The following RAP1GAP2 variants were observed in gnomAD, a reference collection of about 807,000 sequenced individuals.
RAP1GAP2 encodes the protein RAP1 GTPase activating protein 2.
A neutral mutation model predicts 95.0 loss-of-function variants in RAP1GAP2; 27 were observed. That is an observed-to-expected ratio of 0.28 (90% CI 0.21 to 0.39). RAP1GAP2 has a LOEUF of 0.39. Among genes scored for constraint, RAP1GAP2 ranks in the 10% least tolerant of loss-of-function variants. The pLI is 1.00. For missense variants in RAP1GAP2, 771 were observed against 970.0 expected, an observed-to-expected ratio of 0.79 and a Z score of 2.72; for synonymous variants, 373 against 380.9, an observed-to-expected ratio of 0.98 and a Z score of 0.24.
chr17:2,782,430 C>T (rs1057045795), intron 1 of RAP1GAP2, among the ~76,000 whole-genome samples: 2 of 152,144 alleles, frequency 1.3e-5, no homozygotes, highest in African/African-American at 2.4e-5. Context: ...CCACCTGACC[C>T]GCCCTCAGTG....
At chr17:2,911,576 A>G (rs1350366420) in intron 3 of RAP1GAP2, among the ~76,000 whole-genome samples, 1 of 151,842 alleles carries the variant, frequency 6.6e-6, no homozygotes, top group Admixed American at 6.6e-5. Flanking sequence ...CCTGCCGTCT[A>G]CAGGGGCCCT....
intron 2 of RAP1GAP2, among the ~76,000 whole-genome samples, chr17:2,879,848 T>C (rs940332782): frequency 6.6e-6 from 1 of 152,130 alleles, no homozygotes; most frequent in Non-Finnish European, 1.5e-5. Flanking sequence ...ATTACTTTTT[T>C]CCTCCTGAGC....
intron 8 of RAP1GAP2, among the ~76,000 whole-genome samples, chr17:2,979,097 C>T (rs956535012): frequency 2.0e-5 from 3 of 152,050 alleles, no homozygotes; most frequent in African/African-American, 4.8e-5. Context: ...AAATGTAATT[C>T]ACCAGGTCAA....
At chr17:2,872,647 G>A (rs1044437014) in intron 2 of RAP1GAP2, among the ~76,000 whole-genome samples, 38 of 151,742 alleles carry the variant, frequency 2.5e-4, no homozygotes, top group Non-Finnish European at 5.3e-4. Flanking sequence ...AAGCCACTCC[G>A]TTTTTGATAC....
At chr17:2,928,526 C>T (rs776590004) in intron 3 of RAP1GAP2, among the ~76,000 whole-genome samples, 25 of 152,088 alleles carry the variant, frequency 1.6e-4, no homozygotes, top group Non-Finnish European at 2.8e-4. Context: ...ATGAGCAGCA[C>T]GTAGATAACC....
intron 11 of RAP1GAP2, among the ~76,000 whole-genome samples, chr17:2,988,649 T>G (rs1035012211): frequency 1.3e-5 from 2 of 152,234 alleles, no homozygotes; most frequent in African/African-American, 4.8e-5. Flanking sequence ...CTATTATGAA[T>G]AAAGTTGCTG....
intron 3 of RAP1GAP2, among the ~76,000 whole-genome samples, chr17:2,911,092 G>A (rs777118042): frequency 1.3e-5 from 2 of 152,086 alleles, no homozygotes; most frequent in African/African-American, 2.4e-5. Flanking sequence ...GCCCAGGGAC[G>A]GCCTCTTGTG....
At chr17:2,805,279 G>C (rs771463613) in intron 2 of RAP1GAP2, among the ~76,000 whole-genome samples, 3 of 152,132 alleles carry the variant, frequency 2.0e-5, no homozygotes, top group African/African-American at 4.8e-5. Context: ...AGGTGCCTGG[G>C]GTTTTCTTGT....
chr17:2,874,001 C>T lies in RAP1GAP2; in HGVS notation c.81-31283C>T, dbSNP rs188932694. Among the ~76,000 whole-genome samples, 459 of 152,128 alleles carry T rather than the reference C, an allele frequency of 3.0e-3. 2 individuals are homozygous for T. Among genetic ancestry groups the T allele is most frequent in the Non-Finnish European group, 5.5e-3 (371 of 68,004 alleles). On this transcript the variant is annotated intron_variant, in intron 2 of 24. Transcript: ENST00000254695. Reference sequence around the variant, plus strand: ...ATGTTGGCCAGGCTGGTCTTGAACTCCCGACCTCAGGTGATCCACCCGTCT... The same window carrying T: ...ATGTTGGCCAGGCTGGTCTTGAACTTCCGACCTCAGGTGATCCACCCGTCT...
At chr17:2,793,768 G>A (rs1228099296), upstream of RAP1GAP2, among the ~76,000 whole-genome samples, 3 of 152,188 alleles carry the variant, frequency 2.0e-5, no homozygotes, top group African/African-American at 4.8e-5. Context: ...GCTGGTTCCT[G>A]GCACAGCCGG....
chr17:2,894,734 C>G (rs1291940429), intron 2 of RAP1GAP2, among the ~76,000 whole-genome samples: 1 of 152,134 alleles, frequency 6.6e-6, no homozygotes, highest in African/African-American at 2.4e-5. Flanking sequence ...AGCTCTCGGC[C>G]CCCCCTTTAC....
chr17:2,907,954 G>C (rs756778200), intron 3 of RAP1GAP2, among the ~76,000 whole-genome samples: 5 of 152,032 alleles, frequency 3.3e-5, no homozygotes, highest in Non-Finnish European at 7.4e-5. Flanking sequence ...TTACAGGTGC[G>C]TGCCACCACG....
intron 1 of RAP1GAP2, among the ~76,000 whole-genome samples, chr17:2,780,409 G>A (rs564836016): frequency 1.3e-5 from 2 of 152,214 alleles, no homozygotes; most frequent in Non-Finnish European, 2.9e-5. Context: ...CCACCGCCCC[G>A]TTTGACAGGG....
intron 1 of RAP1GAP2, among the ~76,000 whole-genome samples, chr17:2,787,983 A>G (rs923030062): frequency 3.3e-5 from 5 of 152,226 alleles, no homozygotes; most frequent in African/African-American, 1.2e-4. Flanking sequence ...TTATTCTGCA[A>G]TGTAGTTAAT....
At chr17:2,763,007 T>C (rs1291527317) in intron 1 of RAP1GAP2, among the ~76,000 whole-genome samples, 1 of 152,140 alleles carries the variant, frequency 6.6e-6, no homozygotes, top group Non-Finnish European at 1.5e-5. Context: ...CTGATAGTGA[T>C]TGAAAAGGTT....
At chr17:3,022,675 T>G (rs545197978) in intron 19 of RAP1GAP2, among the ~76,000 whole-genome samples, 69 of 152,374 alleles carry the variant, frequency 4.5e-4, no homozygotes, top group Non-Finnish European at 9.1e-4. Context: ...CCTCCCATTC[T>G]GCAGATTGGC....
intron 8 of RAP1GAP2, among the ~76,000 whole-genome samples, chr17:2,979,722 C>T (rs1256994756): frequency 6.6e-6 from 1 of 152,002 alleles, no homozygotes; most frequent in Non-Finnish European, 1.5e-5. Context: ...TCTTTGGCTT[C>T]CCAAAGTGCT....
At chr17:3,028,857 A>G (rs2047206822) in intron 22 of RAP1GAP2, among the ~76,000 whole-genome samples, 1 of 152,034 alleles carries the variant, frequency 6.6e-6, no homozygotes, top group Non-Finnish European at 1.5e-5. Flanking sequence ...CTGGAGTGCA[A>G]TGGCGCAATC....
chr17:2,924,026 G>C (rs1286246700), intron 3 of RAP1GAP2, among the ~76,000 whole-genome samples: 1 of 152,242 alleles, frequency 6.6e-6, no homozygotes, highest in South Asian at 2.1e-4. Flanking sequence ...CTCTGTAAGA[G>C]ATATTAATTT....
Sources: allele counts gnomAD v4.1 joint callset (sites outside exome capture counted in the v4.1 genomes callset), GRCh38; gene constraint gnomAD v4.1.1; transcripts MANE v1.5; gene names NCBI Gene and HGNC (gene_info 2026-07-23, HGNC 2026-07-21).